The following TET3 variants were observed in gnomAD, a reference collection of about 807,000 sequenced individuals.
The protein encoded by TET3 is methylcytosine dioxygenase TET3.
A neutral mutation model predicts 141.4 loss-of-function variants in TET3; 19 were observed. The ratio of observed to expected loss-of-function variants is 0.13; its 90% CI spans 0.09 to 0.20. The LOEUF is 0.20. Ranked by LOEUF, TET3 falls within the 10% of genes least tolerant of loss-of-function variation. TET3 has a pLI of 1.00. For missense variants in TET3, 1,874 were observed against 2,356.9 expected, an observed-to-expected ratio of 0.80 and a Z score of 4.24; for synonymous variants, 1,043 against 980.9, an observed-to-expected ratio of 1.06 and a Z score of -1.18.
At chr2:74,127,647 G>A in the TET3 span, among the ~76,000 whole-genome samples, 4 of 151,708 alleles carry the variant, frequency 2.6e-5, no homozygotes, top group African/African-American at 9.7e-5. Context: ...GGCAAGTTGG[G>A]ATTAGCTTTT....
chr2:74,118,623 G>C, the TET3 span, among the ~76,000 whole-genome samples: 1 of 152,130 alleles, frequency 6.6e-6, no homozygotes, highest in Non-Finnish European at 1.5e-5. Flanking sequence ...GGGTTAGTCA[G>C]AATGCTTAAC....
At position 74,100,648 on chromosome 2, in the gene TET3, A is replaced by G. The variant is rs775965716; in HGVS notation, c.3860A>G (p.Tyr1287Cys). The G allele has an allele frequency of 8.1e-6, 13 of 1,613,940 alleles. No homozygotes were observed. In the East Asian group the frequency reaches 2.0e-4, roughly 25 times the overall value. Reference sequence around the variant, plus strand: ...TACGCTCTCCCGTCTTTTAGCTACTATGGCTTTCCATCCAGCAACCCCGTC... The same window carrying G: ...TACGCTCTCCCGTCTTTTAGCTACTGTGGCTTTCCATCCAGCAACCCCGTC... The part of the protein sequence containing the change: ...SKYALPSFSY[Y>C]GFPSSNPVFP... Residue 1287 changes from tyrosine (Y) to cysteine (C), a missense_variant, in exon 12 of 12, where the codon TAT becomes TGT. Tyr to Cys is a radical substitution (Grantham distance 194, BLOSUM62 -2). Transcript: ENST00000409262.
At position 74,102,254 on chromosome 2, in the gene TET3, G is replaced by A; in HGVS notation, c.*78G>A. The stretch of plus-strand genomic sequence containing the variant: ...TGGTGCTTTTGCCCTCATACCTGGG[G>A]GCGGGTTGGGGGTGCAGAAGTCTTT... On this transcript the variant is annotated 3_prime_UTR_variant, in exon 12 of 12. Transcript: ENST00000409262. 1 of 1,365,484 alleles carries A rather than the reference G, an allele frequency of 7.3e-7. No individual in the cohort carries two copies. Among genetic ancestry groups the A allele is most frequent in the Non-Finnish European group, 9.4e-7 (1 of 1,058,580 alleles). The allele number at this position is 1,365,484 out of a possible 1,614,324, so 84.6% of individuals were successfully genotyped here. A position where few individuals can be genotyped will look rare whatever the true frequency, so the allele number is the denominator to read the frequency against.
At chr2:73,992,475 G>A (rs1258550323) in intron 2 of TET3, among the ~76,000 whole-genome samples, 1 of 151,940 alleles carries the variant, frequency 6.6e-6, no homozygotes, top group Non-Finnish European at 1.5e-5. Flanking sequence ...CATCACGCCT[G>A]GCTAATTTTT....
At chr2:74,004,504 C>T (rs1365339265) in intron 3 of TET3, among the ~76,000 whole-genome samples, 1 of 152,130 alleles carries the variant, frequency 6.6e-6, no homozygotes, top group East Asian at 1.9e-4. Context: ...CTGGCTTTGT[C>T]CCAAGGAACT....
chr2:74,045,383 C>T (rs988285473), intron 3 of TET3, among the ~76,000 whole-genome samples: 6 of 152,264 alleles, frequency 3.9e-5, no homozygotes, highest in African/African-American at 1.4e-4. Context: ...TCCATCAGTC[C>T]TTCTGTGTTT....
Position 74,101,422 on chromosome 2 carries a change from C to A in TET3, c.4634C>A (p.Ala1545Asp). The A allele has an allele frequency of 6.8e-6, 11 of 1,613,910 alleles. No individual in the cohort carries two copies. Among genetic ancestry groups the A allele is most frequent in the Non-Finnish European group, 9.3e-6 (11 of 1,179,876 alleles). The change falls in exon 12 of 12, where the codon GCC (alanine) becomes GAC (aspartate). Residue 1545 changes from alanine (A) to aspartate (D), a missense_variant. Around this residue, in one of 10 missense-constraint regions of TET3, gnomAD observed 602 missense variants for 590.2 expected, o/e 1.02. Coordinates refer to ENST00000409262, the MANE Select transcript of TET3 (RefSeq NM_001287491.2). The surrounding 1 kb of genome is among the most constrained non-coding windows in gnomAD (Gnocchi z 8.5). Reference protein sequence around the residue: ...WALGAGDFNSALKGSPGFQDK... With the variant: ...WALGAGDFNSDLKGSPGFQDK... ...CTGGGGGCAGGGGATTTCAACTCGG[C>A]CCTGAAAGGTAGTCCTGGGTTCCAA...
chr2:74,053,048 C>T (rs566679017), intron 4 of TET3, among the ~76,000 whole-genome samples: 2 of 152,144 alleles, frequency 1.3e-5, no homozygotes, highest in South Asian at 4.1e-4. Context: ...TTATCTGAAT[C>T]TTGAAGTTCT....
chr2:74,079,137 A>G (rs1306310683), intron 5 of TET3, among the ~76,000 whole-genome samples: 1 of 152,210 alleles, frequency 6.6e-6, no homozygotes, highest in Non-Finnish European at 1.5e-5. Flanking sequence ...TCATGAGGTC[A>G]GGAGTTCAAG....
chr2:74,001,299 G>T (rs1352354508), intron 2 of TET3, among the ~76,000 whole-genome samples: 2 of 152,160 alleles, frequency 1.3e-5, no homozygotes, highest in Non-Finnish European at 2.9e-5. Flanking sequence ...GGTGTAGTGG[G>T]TAGGAGAGCG....
intron 4 of TET3, among the ~76,000 whole-genome samples, chr2:74,056,480 T>C (rs1171436534): frequency 6.6e-6 from 1 of 152,122 alleles, no homozygotes; most frequent in Non-Finnish European, 1.5e-5. Context: ...TTCTCAAAAA[T>C]TGGATTTTGC....
rs766447853 is a variant in TET3 at position 74,101,301 on chromosome 2, G to A, written c.4513G>A (p.Gly1505Arg). ...GEGQQAASHS[G>R]GRLRGKPWSP... ...GGGGCAGCAGGCAGCTTCCCACTCT[G>A]GAGGACGGCTGCGAGGCAAACCGTG... is the stretch of plus-strand genomic sequence containing the variant. Residue 1505 changes from glycine (G) to arginine (R), a missense_variant, in exon 12 of 12, where the codon GGA becomes AGA. Physicochemically the swap from Gly to Arg is moderately radical, Grantham distance 125. Coordinates refer to ENST00000409262, the MANE Select transcript of TET3 (RefSeq NM_001287491.2). The surrounding 1 kb of genome is among the most constrained non-coding windows in gnomAD (Gnocchi z 8.5). The A allele has an allele frequency of 6.2e-6, 10 of 1,613,228 alleles. No individual in the cohort carries two copies. The highest frequency in any genetic ancestry group is 6.8e-6 in the Non-Finnish European group (8 of 1,179,624).
intron 3 of TET3, among the ~76,000 whole-genome samples, chr2:74,015,302 G>A (rs149608658): frequency 6.6e-6 from 1 of 152,176 alleles, no homozygotes; most frequent in Admixed American, 6.5e-5. Flanking sequence ...AATGCAGAAA[G>A]TTTTGAATTT....
intron 6 of TET3, among the ~76,000 whole-genome samples, chr2:74,086,373 C>G (rs1255779696): frequency 6.6e-6 from 1 of 150,560 alleles, no homozygotes; most frequent in African/African-American, 2.5e-5. Flanking sequence ...GCCCAGGGCT[C>G]TCGCTTAAAA....
At chr2:74,111,068 A>G (rs544966340), downstream of TET3, among the ~76,000 whole-genome samples, 16 of 152,138 alleles carry the variant, frequency 1.1e-4, no homozygotes, top group African/African-American at 3.6e-4. Context: ...CCTCATCCTC[A>G]CTGACCTCTG....
At chr2:74,067,581 C>T (rs1688977629) in intron 4 of TET3, among the ~76,000 whole-genome samples, 1 of 152,168 alleles carries the variant, frequency 6.6e-6, no homozygotes, top group Non-Finnish European at 1.5e-5. Context: ...TTTATACATG[C>T]CTCAATAATT....
chr2:74,034,774 A>G (rs1185435738), intron 3 of TET3, among the ~76,000 whole-genome samples: 1 of 152,070 alleles, frequency 6.6e-6, no homozygotes, highest in East Asian at 1.9e-4. Flanking sequence ...CATGTGTACA[A>G]AGCTTTCCTA....
At position 74,093,138 on chromosome 2, in the gene TET3, T is replaced by C. The variant is rs1021705421; in HGVS notation, c.3129+147T>C. 6.5e-6 allele frequency: 5 copies of C among 773,200 alleles called. No individual in the cohort carries two copies. Among genetic ancestry groups the C allele is most frequent in the Non-Finnish European group, 1.0e-5 (5 of 478,098 alleles). The allele number at this position is 773,200 out of a possible 1,614,324, so 47.9% of individuals were successfully genotyped here. A position where few individuals can be genotyped will look rare whatever the true frequency, so the allele number is the denominator to read the frequency against. The stretch of plus-strand genomic sequence containing the variant: ...AGTAAAGCGATATGATGTGGTTCTT[T>C]GATAAAAACCCCTTTTTTACACCAG... On this transcript the variant is annotated intron_variant, in intron 9 of 11. Coordinates refer to ENST00000409262, the MANE Select transcript of TET3 (RefSeq NM_001287491.2). The surrounding 1 kb of genome is among the most constrained non-coding windows in gnomAD (Gnocchi z 4.2).
At chr2:74,075,526 A>G (rs532155476) in intron 5 of TET3, among the ~76,000 whole-genome samples, 27 of 151,454 alleles carry the variant, frequency 1.8e-4, no homozygotes, top group African/African-American at 6.3e-4. Context: ...ACGGGGTTTC[A>G]CCATGTTGGC....
Sources: gnomAD v4.1 joint callset for allele counts (sites outside exome capture counted in the v4.1 genomes callset) on GRCh38, gnomAD v4.1.1 for gene constraint, gnomAD v4.1.1 regional missense constraint, Gnocchi (gnomAD v3.1) non-coding constraint, MANE v1.5 for transcripts, NCBI Gene and HGNC (gene_info 2026-07-23, HGNC 2026-07-21) for gene names.